The following FBXL7 variants were observed in gnomAD, a reference collection of about 807,000 sequenced individuals.
FBXL7 encodes the protein F-box/LRR-repeat protein 7.
Under a neutral mutation model 38.3 loss-of-function variants are expected in FBXL7, and 12 were observed. The ratio of observed to expected loss-of-function variants is 0.31; its 90% CI spans 0.20 to 0.51. FBXL7 has a LOEUF of 0.51. Ranked by LOEUF, FBXL7 falls within the 20% of genes least tolerant of loss-of-function variation. The pLI is 0.98. For synonymous variants in FBXL7, 297 were observed against 300.9 expected, an observed-to-expected ratio of 0.99 and a Z score of 0.13; for missense variants, 567 against 676.4, an observed-to-expected ratio of 0.84 and a Z score of 1.79.
At chr5:15,691,148 C>T (rs1352284805) in intron 2 of FBXL7, among the ~76,000 whole-genome samples, 1 of 152,200 alleles carries the variant, frequency 6.6e-6, no homozygotes, top group Non-Finnish European at 1.5e-5. Flanking sequence ...AGGGTGACAA[C>T]TGACTTCTGT....
intron 2 of FBXL7, among the ~76,000 whole-genome samples, chr5:15,855,190 T>G (rs921125160): frequency 2.0e-5 from 3 of 152,146 alleles, no homozygotes; most frequent in Non-Finnish European, 4.4e-5. Context: ...TCTACATATT[T>G]TAGGTATAAA....
intron 2 of FBXL7, among the ~76,000 whole-genome samples, chr5:15,800,806 CG>C (rs1432002487): frequency 6.6e-6 from 1 of 152,118 alleles, no homozygotes; most frequent in Non-Finnish European, 1.5e-5. Context: ...CTAGTTACCT[CG>C]GAAGTTCCTG....
chr5:15,614,825 C>T (rs1253339269), intron 1 of FBXL7, among the ~76,000 whole-genome samples: 1 of 152,196 alleles, frequency 6.6e-6, no homozygotes, highest in Non-Finnish European at 1.5e-5. Context: ...CTGATGGAGG[C>T]TTGCTGCTTC....
intron 1 of FBXL7, among the ~76,000 whole-genome samples, chr5:15,603,986 A>C (rs1414781237): frequency 6.6e-6 from 1 of 152,148 alleles, no homozygotes; most frequent in Non-Finnish European, 1.5e-5. Context: ...AAAATTCAAA[A>C]GTTAGCTGGG....
chr5:15,674,022 G>A (rs72745677), intron 2 of FBXL7, among the ~76,000 whole-genome samples: 2,616 of 152,308 alleles, frequency 0.017, 30 homozygotes, highest in Non-Finnish European at 0.028. Flanking sequence ...GTTATAGAGG[G>A]AAAACTAAGT....
intron 2 of FBXL7, among the ~76,000 whole-genome samples, chr5:15,660,995 T>G (rs1039392216): frequency 2.0e-5 from 3 of 152,218 alleles, no homozygotes; most frequent in Non-Finnish European, 4.4e-5. Context: ...TTGAGCATCT[T>G]GCTTTTGTCA....
intron 2 of FBXL7, among the ~76,000 whole-genome samples, chr5:15,841,474 T>C (rs1440588594): frequency 6.6e-6 from 1 of 152,056 alleles, no homozygotes; most frequent in African/African-American, 2.4e-5. Flanking sequence ...TCCAGAAAGA[T>C]GTTCATTTTT....
chr5:15,654,556 TAATGGG>T (rs901878860), intron 2 of FBXL7, among the ~76,000 whole-genome samples: 1 of 152,222 alleles, frequency 6.6e-6, no homozygotes, highest in African/African-American at 2.4e-5. Context: ...TGTCTATTAC[TAATGGG>T]TCATTTTTGT....
chr5:15,822,127 C>T lies in FBXL7; in HGVS notation c.128-105763C>T, dbSNP rs867891521. Among the ~76,000 whole-genome samples, 6 of 149,928 alleles carry T rather than the reference C, an allele frequency of 4.0e-5. No individual in the cohort carries two copies. In the South Asian group the frequency reaches 8.4e-4, roughly 21 times the overall value. On this transcript the variant is annotated intron_variant, in intron 2 of 3. Coordinates refer to ENST00000504595, the MANE Select transcript of FBXL7 (RefSeq NM_012304.5). ...CAGCACTTTGGGAGGCTGAGTCAGG[C>T]GAATCACGAGGTCAGGAGATCGAGA...
At chr5:15,683,088 A>G (rs752677255) in intron 2 of FBXL7, among the ~76,000 whole-genome samples, 5 of 152,172 alleles carry the variant, frequency 3.3e-5, no homozygotes, top group Non-Finnish European at 7.4e-5. Context: ...TTGCTTATTC[A>G]TTTGAAATGG....
At chr5:15,670,632 C>T (rs1742434821) in intron 2 of FBXL7, among the ~76,000 whole-genome samples, 1 of 152,056 alleles carries the variant, frequency 6.6e-6, no homozygotes, top group Admixed American at 6.5e-5. Context: ...GAAACACTTT[C>T]TCTACTAAAA....
intron 2 of FBXL7, among the ~76,000 whole-genome samples, chr5:15,750,396 A>G (rs2937073): frequency 0.72 from 108,756 of 151,964 alleles, 39,259 homozygotes; most frequent in South Asian, 0.84. Context: ...GGGGAGGAGG[A>G]CATGTGCCTT....
At chr5:15,536,932 G>C (rs1737603935) in intron 1 of FBXL7, among the ~76,000 whole-genome samples, 1 of 152,108 alleles carries the variant, frequency 6.6e-6, no homozygotes, top group Admixed American at 6.5e-5. Context: ...GATGGGAAGT[G>C]ATTGAATCAT....
At chr5:15,799,692 C>T (rs1369501259) in intron 2 of FBXL7, among the ~76,000 whole-genome samples, 1 of 152,148 alleles carries the variant, frequency 6.6e-6, no homozygotes, top group Admixed American at 6.5e-5. Flanking sequence ...AAAAAGGTCA[C>T]AATGCTGAGG....
At chr5:15,868,102 C>CA (rs35879964) in intron 2 of FBXL7, among the ~76,000 whole-genome samples, 1,817 of 59,062 alleles carry the variant, frequency 0.031, 31 homozygotes, top group Admixed American at 0.057. Context: ...GACTCCGTCT[C>CA]AAAAAAAAAA....
At chr5:15,769,749 A>G (rs1382588941) in intron 2 of FBXL7, among the ~76,000 whole-genome samples, 1 of 147,870 alleles carries the variant, frequency 6.8e-6, no homozygotes, top group Non-Finnish European at 1.5e-5. Context: ...AAAAAAAAAC[A>G]CTGGTGAGCA....
chr5:15,869,477 C>T (rs988896968), intron 2 of FBXL7, among the ~76,000 whole-genome samples: 1 of 152,094 alleles, frequency 6.6e-6, no homozygotes, highest in Non-Finnish European at 1.5e-5. Context: ...CAAGAATTGT[C>T]CAGACTGAGA....
chr5:15,743,418 A>G (rs1208653293), intron 2 of FBXL7, among the ~76,000 whole-genome samples: 1 of 152,218 alleles, frequency 6.6e-6, no homozygotes, highest in Non-Finnish European at 1.5e-5. Flanking sequence ...TAAAAATGTT[A>G]AAGCTCCAAA....
chr5:15,927,863 TA>T, intron 2 of FBXL7, 26 bp from the exon 3 acceptor site: 1 of 1,500,480 alleles, frequency 6.7e-7, no homozygotes, highest in Non-Finnish European at 8.9e-7. Flanking sequence ...CCATCATGAT[TA>T]ACCTTTGTTC....
Sources: allele counts gnomAD v4.1 joint callset (sites outside exome capture counted in the v4.1 genomes callset), GRCh38; gene constraint gnomAD v4.1.1; transcripts MANE v1.5; gene names NCBI Gene and HGNC (gene_info 2026-07-23, HGNC 2026-07-21).